Variants in LARS1 observed in about 807,000 individuals in gnomAD.
LARS1 encodes leucine--tRNA ligase, cytoplasmic.
LARS1 carries 100 observed loss-of-function variants against 162.8 expected under a neutral mutation model. The ratio of observed to expected loss-of-function variants is 0.61; its 90% CI spans 0.52 to 0.73. The LOEUF (loss-of-function observed/expected upper bound fraction) is 0.73, where lower values mean the gene tolerates loss of function less well. LARS1 is among the 30% of genes least tolerant of loss of function. The pLI is 0.00. For synonymous variants in LARS1, 457 were observed against 462.8 expected (o/e 0.99, Z 0.16); for missense variants, 1,258 against 1,408.9 (o/e 0.89, Z 1.71).
chr5:146,156,226 A>G (rs1364972184), intron 10 of LARS1, among the ~76,000 whole-genome samples: 1 of 152,176 alleles, frequency 6.6e-6, no homozygotes, highest in African/African-American at 2.4e-5. Flanking sequence ...CGTTTTTTGA[A>G]TTTTGGGACT....
At chr5:146,134,940 C>A (rs1286370509) in intron 22 of LARS1, among the ~76,000 whole-genome samples, 1 of 152,286 alleles carries the variant, frequency 6.6e-6, no homozygotes, top group Non-Finnish European at 1.5e-5. Context: ...CAGAGCAAGA[C>A]TCTGTCTCAG....
At chr5:146,114,901 G>A (rs926360102) in intron 31 of LARS1, among the ~76,000 whole-genome samples, 8 of 151,868 alleles carry the variant, frequency 5.3e-5, no homozygotes, top group Middle Eastern at 3.2e-3. Flanking sequence ...AAAATTAGCC[G>A]GGCATGGTGG....
In LARS1 at chr5:146,151,985, G is replaced by A; in HGVS notation, c.1302C>T (p.Ile434=). ...CAGCAGAAAGATTTCCAAAACCTGG[G>A]ATTTCAATGACTGGCACCTGCAGCA... ...LPFEPVPVIE[I]PGFGNLSAVT... Residue 434 remains isoleucine (I), a synonymous_variant, in exon 14 of 32, where the codon ATC becomes ATT. Transcript: ENST00000394434. The A allele has an allele frequency of 6.2e-7, 1 of 1,613,958 alleles. No individual in the cohort carries two copies. The highest frequency in any genetic ancestry group is 8.5e-7 in the Non-Finnish European group (1 of 1,180,038).
At chr5:146,177,768 T>C (rs985073875) in intron 1 of LARS1, 103 bp from the exon 2 acceptor site, 3 of 479,244 alleles carry the variant, frequency 6.3e-6, no homozygotes, top group Admixed American at 3.8e-5. Flanking sequence ...AAGACTGATT[T>C]TTCCATGGTT....
chr5:146,166,853 T>TA (rs1561491818), intron 5 of LARS1, among the ~76,000 whole-genome samples: 34 of 25,514 alleles, frequency 1.3e-3, no homozygotes, highest in Admixed American at 2.1e-3. Context: ...TATTAATTAT[T>TA]TAAAAAAAAA....
Position 146,157,444 on chromosome 5 carries a change from C to T in LARS1, c.1024G>A (p.Asp342Asn), listed in dbSNP as rs76661460. ...TTAACAACAGGCACCACGCCATTGT[C>T]TTTGGTAAAGCCCTGGTATGACATA... is the stretch of plus-strand genomic sequence containing the variant. ...RNMSYQGFTK[D>N]NGVVPVVKEL... The change falls in exon 10 of 32, where the codon GAC (aspartate) becomes AAC (asparagine). Residue 342 changes from aspartate (D) to asparagine (N), a missense_variant. Transcript: ENST00000394434. The T allele has an allele frequency of 1.2e-6, 2 of 1,614,180 alleles. No individual in the cohort carries two copies. Among genetic ancestry groups the T allele is most frequent in the Non-Finnish European group, 1.7e-6 (2 of 1,180,034 alleles).
intron 12 of LARS1, 73 bp from the exon 13 acceptor site, chr5:146,153,300 C>G: frequency 9.4e-7 from 1 of 1,062,580 alleles, no homozygotes. Context: ...AAGCAATCTC[C>G]AAAGTTTCTT....
At chr5:146,133,509 A>G (rs1752380048) in intron 22 of LARS1, among the ~76,000 whole-genome samples, 1 of 152,192 alleles carries the variant, frequency 6.6e-6, no homozygotes. Flanking sequence ...GTACAAATGC[A>G]TATGAATTTT....
intron 4 of LARS1, 63 bp from the exon 5 acceptor site, chr5:146,168,328 C>T: frequency 6.6e-7 from 1 of 1,525,598 alleles, no homozygotes; most frequent in East Asian, 2.3e-5. Flanking sequence ...CAGTTTTTTA[C>T]TGTTTTTATT....
intron 23 of LARS1, 173 bp from the exon 24 acceptor site, chr5:146,131,282 C>A (rs1414615428): frequency 1.1e-5 from 5 of 452,646 alleles, no homozygotes; most frequent in Non-Finnish European, 1.9e-5. Flanking sequence ...AACTGCTCAA[C>A]ACAACACCAT....
chr5:146,143,081 C>T lies in LARS1; in HGVS notation c.1881G>A (p.Pro627=), dbSNP rs762428409. ...CCCAAACTTCCTTGGTCATCTGTTG[C>T]GGTCTGTATTAAAAATAAAACAAAC... ...GQAESPLGIR[P]QQMTKEVWDY... Residue 627 remains proline, a synonymous_variant, in exon 20 of 32, where the codon CCG becomes CCA. Coordinates refer to ENST00000394434, the MANE Select transcript of LARS1 (RefSeq NM_020117.11). 2.7e-5 allele frequency: 43 copies of T among 1,598,266 alleles called. No individual in the cohort carries two copies. The highest frequency in any genetic ancestry group is 3.3e-4 in the Middle Eastern group (2 of 6,014).
At chr5:146,118,925 C>A (rs987182062) in intron 31 of LARS1, among the ~76,000 whole-genome samples, 4 of 152,170 alleles carry the variant, frequency 2.6e-5, no homozygotes, top group African/African-American at 9.7e-5. Flanking sequence ...ATCCCTAACC[C>A]TAGTATACTG....
At chr5:146,124,208 G>C (rs989822745) in intron 28 of LARS1, 122 bp from the exon 29 acceptor site, 2 of 668,614 alleles carry the variant, frequency 3.0e-6, no homozygotes, top group East Asian at 2.7e-5. Context: ...GGAGTTAAAG[G>C]AAAGGCCTTG....
At chr5:146,128,450 A>C (rs1280778551) in intron 27 of LARS1, among the ~76,000 whole-genome samples, 1 of 152,122 alleles carries the variant, frequency 6.6e-6, no homozygotes, top group East Asian at 1.9e-4. Context: ...GATCCAATGT[A>C]TTTTTGTATA....
At chr5:146,120,246 G>T in intron 31 of LARS1, 125 bp downstream of exon 31, 2 of 1,024,272 alleles carry the variant, frequency 2.0e-6, no homozygotes, top group Non-Finnish European at 2.9e-6. Context: ...TCTGATCCCA[G>T]TACTTTTTCC....
At chr5:146,174,102 G>A (rs1182202475) in intron 2 of LARS1, among the ~76,000 whole-genome samples, 1 of 118,480 alleles carries the variant, frequency 8.4e-6, no homozygotes, top group Non-Finnish European at 1.6e-5. Context: ...ATAGCTTCAA[G>A]TATAACACCA....
intron 15 of LARS1, among the ~76,000 whole-genome samples, chr5:146,146,149 T>C (rs1235848273): frequency 6.6e-6 from 1 of 152,126 alleles, no homozygotes; most frequent in Non-Finnish European, 1.5e-5. Context: ...AAGACCAGCC[T>C]GTCCAACATG....
intron 28 of LARS1, among the ~76,000 whole-genome samples, chr5:146,124,968 A>G (rs918829116): frequency 1.3e-5 from 2 of 151,734 alleles, no homozygotes; most frequent in Non-Finnish European, 3.0e-5. Flanking sequence ...ATGAGATCCT[A>G]AAGAAGCCAA....
At chr5:146,158,693 T>A (rs1753636250) in intron 8 of LARS1, among the ~76,000 whole-genome samples, 1 of 152,196 alleles carries the variant, frequency 6.6e-6, no homozygotes, top group Admixed American at 6.5e-5. Context: ...CAAATCTTGG[T>A]CACATATCTT....
Sources: allele counts gnomAD v4.1 joint callset (sites outside exome capture counted in the v4.1 genomes callset), GRCh38; gene constraint gnomAD v4.1.1; transcripts MANE v1.5; gene names NCBI Gene and HGNC (gene_info 2026-07-23, HGNC 2026-07-21).